MIPOL1: variants seen among roughly 807,000 people sequenced by gnomAD.
MIPOL1 encodes the protein mirror-image polydactyly 1, also known as mirror-image polydactyly gene 1 protein.
In MIPOL1, 57 loss-of-function variants were observed where a neutral mutation model predicts 60.9. That is an observed-to-expected ratio of 0.94 (90% CI 0.76 to 1.17). The LOEUF is 1.17. Ranked by LOEUF, MIPOL1 falls within the 50% of genes most tolerant of loss-of-function variation. The probability of loss-of-function intolerance (pLI) is 0.00; values close to 1 mark genes in which losing one functional copy is unlikely to be tolerated. For missense variants in MIPOL1, 551 were observed against 511.6 expected, an observed-to-expected ratio of 1.08 and a Z score of -0.74; for synonymous variants, 179 against 168.8, an observed-to-expected ratio of 1.06 and a Z score of -0.47.
In MIPOL1 at chr14:37,208,910, G is replaced by A. The variant is rs72669601; in HGVS notation, c.-199+10806G>A. 1.1e-3 allele frequency among the ~76,000 whole-genome samples: 172 copies of A among 152,212 alleles called. 1 individual carries two copies. Among genetic ancestry groups the A allele is most frequent in the Non-Finnish European group, 2.0e-3 (134 of 68,016 alleles). On this transcript the variant is annotated intron_variant, in intron 1 of 12. Transcript: ENST00000684589. Reference sequence around the variant, plus strand: ...CTGGCCTTGTCACTCTACTTCTGGCGTTATCATTATGCAAAATCATAGTGC... The same window carrying A: ...CTGGCCTTGTCACTCTACTTCTGGCATTATCATTATGCAAAATCATAGTGC...
chr14:37,537,592 A>C (rs990443527), intron 12 of MIPOL1, among the ~76,000 whole-genome samples: 1 of 152,176 alleles, frequency 6.6e-6, no homozygotes, highest in Non-Finnish European at 1.5e-5. Context: ...ATCAATTTTT[A>C]AGTTCCTATC....
chr14:37,437,737 A>G (rs2094184191), intron 11 of MIPOL1, among the ~76,000 whole-genome samples: 2 of 152,152 alleles, frequency 1.3e-5, no homozygotes, highest in Admixed American at 1.3e-4. Flanking sequence ...AAGAATTGTA[A>G]TTATACCTGC....
intron 12 of MIPOL1, among the ~76,000 whole-genome samples, chr14:37,518,672 C>T (rs2095389556): frequency 6.6e-6 from 1 of 152,114 alleles, no homozygotes; most frequent in African/African-American, 2.4e-5. Context: ...TAGCTCTATC[C>T]TCTGAAAAGG....
chr14:37,345,806 A>G (rs769277506), intron 9 of MIPOL1, among the ~76,000 whole-genome samples: 1 of 152,194 alleles, frequency 6.6e-6, no homozygotes, highest in African/African-American at 2.4e-5. Flanking sequence ...TAAAAATAAA[A>G]CTTATGTGTG....
chr14:37,209,077 T>C (rs776860420), intron 1 of MIPOL1, among the ~76,000 whole-genome samples: 2 of 152,240 alleles, frequency 1.3e-5, no homozygotes, highest in Non-Finnish European at 2.9e-5. Context: ...TTTATCTACA[T>C]ATCACTAGAT....
At chr14:37,269,244 C>T (rs2083103790) in intron 5 of MIPOL1, among the ~76,000 whole-genome samples, 1 of 152,010 alleles carries the variant, frequency 6.6e-6, no homozygotes, top group East Asian at 1.9e-4. Flanking sequence ...TGTCATTTAC[C>T]TTGTGTTAAT....
intron 11 of MIPOL1, among the ~76,000 whole-genome samples, chr14:37,448,712 G>A (rs564453425): frequency 6.6e-6 from 1 of 152,260 alleles, no homozygotes; most frequent in East Asian, 1.9e-4. Flanking sequence ...GGTTAAGCAA[G>A]AGAGTGCAAG....
intron 11 of MIPOL1, among the ~76,000 whole-genome samples, chr14:37,441,694 G>A (rs918178777): frequency 6.6e-6 from 1 of 151,786 alleles, no homozygotes; most frequent in Admixed American, 6.6e-5. Context: ...CTCTAGTTTT[G>A]TTTTGTTTTC....
chr14:37,228,356 A>G (rs113959063), intron 1 of MIPOL1, among the ~76,000 whole-genome samples: 2 of 129,114 alleles, frequency 1.5e-5, no homozygotes, highest in African/African-American at 3.0e-5. Flanking sequence ...TAGTAGTTCC[A>G]GGTGGATTTT....
At chr14:37,328,087 A>G (rs1473367340) in intron 9 of MIPOL1, among the ~76,000 whole-genome samples, 1 of 151,958 alleles carries the variant, frequency 6.6e-6, no homozygotes, top group African/African-American at 2.4e-5. Context: ...ATCTCTGCTC[A>G]CTGCAACCTC....
chr14:37,539,884 A>T (rs955599482), intron 12 of MIPOL1, among the ~76,000 whole-genome samples: 5 of 152,138 alleles, frequency 3.3e-5, no homozygotes, highest in African/African-American at 1.2e-4. Flanking sequence ...CATAATCCCC[A>T]TGTCTCATCG....
intron 7 of MIPOL1, among the ~76,000 whole-genome samples, chr14:37,307,764 T>C (rs1211318050): frequency 4.6e-5 from 7 of 152,040 alleles, no homozygotes; most frequent in Non-Finnish European, 1.0e-4. Context: ...GAATGAGTGC[T>C]TTTATCACTG....
intron 11 of MIPOL1, among the ~76,000 whole-genome samples, chr14:37,493,558 A>G (rs1340497923): frequency 6.6e-6 from 1 of 152,230 alleles, no homozygotes. Flanking sequence ...GTGGTGAGCA[A>G]CAAAGGAGAT....
intron 12 of MIPOL1, among the ~76,000 whole-genome samples, chr14:37,546,683 A>G (rs2095548746): frequency 1.3e-5 from 2 of 152,206 alleles, no homozygotes; most frequent in Non-Finnish European, 1.5e-5. Context: ...TAATGCTGAC[A>G]TAATTCAAGG....
chr14:37,405,555 T>G (rs2093571243), intron 10 of MIPOL1, among the ~76,000 whole-genome samples: 1 of 152,140 alleles, frequency 6.6e-6, no homozygotes, highest in Admixed American at 6.5e-5. Context: ...TGCTTTTAAA[T>G]TAGATAACTT....
chr14:37,525,906 A>T (rs528261935), intron 12 of MIPOL1, among the ~76,000 whole-genome samples: 1 of 152,160 alleles, frequency 6.6e-6, no homozygotes, highest in Non-Finnish European at 1.5e-5. Context: ...GCCCATATTA[A>T]TTGTTGAAAT....
At chr14:37,356,388 A>C (rs141700072) in intron 9 of MIPOL1, among the ~76,000 whole-genome samples, 1 of 151,746 alleles carries the variant, frequency 6.6e-6, no homozygotes, top group Admixed American at 6.6e-5. Context: ...CCCAGAGGTG[A>C]AGCCTACAGA....
chr14:37,546,827 T>C (rs2095549240), intron 12 of MIPOL1, 78 bp from the exon 13 acceptor site: 1 of 1,159,234 alleles, frequency 8.6e-7, no homozygotes, highest in Admixed American at 1.9e-5. Context: ...GCAAATACTG[T>C]CCTTTATCAG....
At chr14:37,541,795 C>G (rs952562671) in intron 12 of MIPOL1, among the ~76,000 whole-genome samples, 1 of 152,168 alleles carries the variant, frequency 6.6e-6, no homozygotes, top group Non-Finnish European at 1.5e-5. Context: ...GAAAAGTTAA[C>G]CAGTCGTAGT....
Sources: allele counts gnomAD v4.1 joint callset (sites outside exome capture counted in the v4.1 genomes callset), GRCh38; gene constraint gnomAD v4.1.1; transcripts MANE v1.5; gene names NCBI Gene and HGNC (gene_info 2026-07-23, HGNC 2026-07-21).